GFPT2: variants seen among roughly 807,000 people sequenced by gnomAD.
GFPT2 encodes the protein glutamine--fructose-6-phosphate transaminase 2.
GFPT2 carries 62 observed loss-of-function variants against 85.6 expected under a neutral mutation model. That is an observed-to-expected ratio of 0.72 (90% CI 0.59 to 0.90). GFPT2 has a LOEUF of 0.90. Among genes scored for constraint, GFPT2 ranks in the 40% least tolerant of loss-of-function variants. The probability of loss-of-function intolerance (pLI) is 0.00; values close to 1 mark genes in which losing one functional copy is unlikely to be tolerated. For synonymous variants in GFPT2, 368 were observed against 344.5 expected (o/e 1.07, Z -0.75); for missense variants, 788 against 893.4 (o/e 0.88, Z 1.50).
rs1412848150 is a variant in GFPT2 at position 180,318,125 on chromosome 5, T to C, written c.958+668A>G. On this transcript the variant is annotated intron_variant, in intron 10 of 18. Coordinates refer to ENST00000253778, the MANE Select transcript of GFPT2 (RefSeq NM_005110.4). This position sits in a 1 kb window ranked among gnomAD's most constrained non-coding sequence, Gnocchi z 4.2. The stretch of plus-strand genomic sequence containing the variant: ...GACATTTCAAGGGAGCTGGAGGCAA[T>C]GAAAAGGAACCAGTCCTATGAGAAG... Among the ~76,000 whole-genome samples the C allele has an allele frequency of 2.0e-5, 3 of 151,660 alleles. No homozygotes were observed. Among genetic ancestry groups the C allele is most frequent in the African/African-American group, 4.9e-5 (2 of 41,236 alleles).
At chr5:180,314,059 C>T in intron 13 of GFPT2, 95 bp from the exon 14 acceptor site, 12 of 1,290,008 alleles carry the variant, frequency 9.3e-6, no homozygotes, top group South Asian at 1.5e-5. Flanking sequence ...ACAGGGAAAT[C>T]GGCGCCCGAG....
At chr5:180,326,037 T>G (rs1764205648) in intron 7 of GFPT2, among the ~76,000 whole-genome samples, 2 of 151,866 alleles carry the variant, frequency 1.3e-5, no homozygotes, top group South Asian at 4.2e-4. Flanking sequence ...AATAAATAAA[T>G]AAATAAATAA....
chr5:180,347,067 C>A (rs991057943), intron 1 of GFPT2, among the ~76,000 whole-genome samples: 2 of 152,202 alleles, frequency 1.3e-5, no homozygotes, highest in African/African-American at 4.8e-5. Flanking sequence ...ATGGACCCAG[C>A]CAGGTGGGGG....
At chr5:180,342,763 A>G (rs758321571) in intron 1 of GFPT2, among the ~76,000 whole-genome samples, 7 of 151,218 alleles carry the variant, frequency 4.6e-5, no homozygotes, top group Non-Finnish European at 8.8e-5. Flanking sequence ...TTAGCTGGGT[A>G]TGGTGGTGCG....
intron 1 of GFPT2, among the ~76,000 whole-genome samples, chr5:180,341,585 A>G (rs977933728): frequency 3.9e-5 from 6 of 152,350 alleles, no homozygotes; most frequent in Middle Eastern, 3.4e-3. Context: ...ATGTTTGCAC[A>G]TATGTATTAA....
intron 17 of GFPT2, 70 bp downstream of exon 17, chr5:180,304,698 GCAGA>G: frequency 6.8e-6 from 9 of 1,320,094 alleles, no homozygotes; most frequent in Non-Finnish European, 9.7e-6. Flanking sequence ...ACTGGTACTG[GCAGA>G]CAGTGGTGAG....
intron 4 of GFPT2, among the ~76,000 whole-genome samples, chr5:180,332,593 A>G (rs1034690187): frequency 5.9e-5 from 9 of 152,302 alleles, no homozygotes; most frequent in African/African-American, 1.7e-4. Context: ...GCTGGAGTGC[A>G]GTGGCGTGAC....
At chr5:180,340,668 T>C (rs1390032174) in intron 1 of GFPT2, among the ~76,000 whole-genome samples, 2 of 151,836 alleles carry the variant, frequency 1.3e-5, no homozygotes, top group Admixed American at 6.6e-5. Context: ...CCCGACACCA[T>C]GCCCAGCTAA....
At chr5:180,338,888 T>C (rs1303193744) in intron 1 of GFPT2, among the ~76,000 whole-genome samples, 2 of 152,180 alleles carry the variant, frequency 1.3e-5, no homozygotes, top group Non-Finnish European at 2.9e-5. Flanking sequence ...GCAATGTCCA[T>C]AATAGAAAAG....
At chr5:180,351,537 C>T (rs796133998) in intron 1 of GFPT2, among the ~76,000 whole-genome samples, 3 of 152,300 alleles carry the variant, frequency 2.0e-5, no homozygotes, top group African/African-American at 7.2e-5. Flanking sequence ...CGCAGCCACT[C>T]CTGAGCCCTG....
At chr5:180,307,153 G>A in intron 16 of GFPT2, 23 bp downstream of exon 16, 1 of 957,798 alleles carries the variant, frequency 1.0e-6, no homozygotes, top group Non-Finnish European at 1.4e-6. Flanking sequence ...CCGTGGGGGT[G>A]GGGGCTGGGG....
rs1763953018 is a variant in GFPT2, at chr5:180,313,964, C to T, written c.1274G>A (p.Gly425Asp). 1 of 1,593,856 alleles carries T rather than the reference C, an allele frequency of 6.3e-7. No homozygotes were observed. Among genetic ancestry groups the T allele is most frequent in the Non-Finnish European group, 8.5e-7 (1 of 1,176,496 alleles). ...CGCCAGGAGGGTGTCCGCGGTCTCGCCTGCCGCCCAGGGGCCCTCTCAGTG... is the reference window on the plus strand; with the variant it reads ...CGCCAGGAGGGTGTCCGCGGTCTCGTCTGCCGCCCAGGGGCCCTCTCAGTG... ...DDVCFFISQS[G>D]ETADTLLALR... Residue 425 changes from glycine to aspartate, a missense_variant and splice_region_variant, in exon 14 of 19, where the codon GGC becomes GAC. Gly to Asp is a moderately conservative substitution (Grantham distance 94, BLOSUM62 -1). Transcript: ENST00000253778.
chr5:180,329,090 C>T (rs1195492660), intron 6 of GFPT2, among the ~76,000 whole-genome samples: 1 of 152,234 alleles, frequency 6.6e-6, no homozygotes, highest in Non-Finnish European at 1.5e-5. Flanking sequence ...CACGTCCTGA[C>T]CATCCTGTAC....
intron 16 of GFPT2, 115 bp downstream of exon 16, chr5:180,307,061 G>T: frequency 2.5e-6 from 2 of 789,746 alleles, no homozygotes; most frequent in South Asian, 3.4e-5. Flanking sequence ...ACTGGCCAAG[G>T]GGTCCTTAGG....
At chr5:180,305,618 C>T (rs772079150) in intron 16 of GFPT2, among the ~76,000 whole-genome samples, 24 of 152,310 alleles carry the variant, frequency 1.6e-4, no homozygotes, top group African/African-American at 5.8e-4. Flanking sequence ...CTCCCAGTGA[C>T]CAGAGGACCA....
At chr5:180,304,683 C>CG in intron 17 of GFPT2, 89 bp downstream of exon 17, 1 of 1,195,538 alleles carries the variant, frequency 8.4e-7, no homozygotes. Flanking sequence ...GCCAGACCAT[C>CG]CATCACTGGT....
chr5:180,319,639 G>A (rs1404869193), intron 9 of GFPT2, among the ~76,000 whole-genome samples: 2 of 152,186 alleles, frequency 1.3e-5, no homozygotes, highest in African/African-American at 2.4e-5. Context: ...ATCATGGATG[G>A]ATAAGGCTGG....
chr5:180,303,377 G>A (rs557117846), intron 17 of GFPT2, among the ~76,000 whole-genome samples: 6 of 152,318 alleles, frequency 3.9e-5, no homozygotes, highest in Non-Finnish European at 8.8e-5. Flanking sequence ...GACAACCCTC[G>A]GCGGAGCATT....
rs201952103 is a variant in GFPT2 at position 180,318,963 on chromosome 5, C to T, written c.795-7G>A. 3.5e-5 allele frequency: 57 copies of T among 1,610,976 alleles called. No homozygotes were observed. In the East Asian group the frequency reaches 1.3e-3, roughly 36 times the overall value. On this transcript the variant is annotated splice_polypyrimidine_tract_variant and splice_region_variant and intron_variant, in intron 9 of 18. Coordinates refer to ENST00000253778, the MANE Select transcript of GFPT2 (RefSeq NM_005110.4). This position sits in a 1 kb window ranked among gnomAD's most constrained non-coding sequence, Gnocchi z 4.2. The stretch of plus-strand genomic sequence containing the variant: ...GGTGTGCTCTATGATAGCGCTGGGG[C>T]AAGGGAAACAGGCATCATCAGTGCC...
Sources: allele counts gnomAD v4.1 joint callset (sites outside exome capture counted in the v4.1 genomes callset), GRCh38; gene constraint gnomAD v4.1.1; non-coding constraint Gnocchi (gnomAD v3.1); transcripts MANE v1.5; gene names NCBI Gene and HGNC (gene_info 2026-07-23, HGNC 2026-07-21).